C10orf71: variants seen among roughly 807,000 people sequenced by gnomAD.
C10orf71 encodes chromosome 10 open reading frame 71, also known as cardiac-enriched FHL2-interacting protein.
For missense variants in C10orf71, 1,869 were observed against 1,804.5 expected (o/e 1.04, Z -0.65); for synonymous variants, 758 against 726.3 (o/e 1.04, Z -0.70).
At position 49,325,565 on chromosome 10, in the gene C10orf71, C is replaced by A. The variant is rs1218382905; in HGVS notation, c.3020C>A (p.Pro1007His). 1 of 1,550,594 alleles carries A rather than the reference C, an allele frequency of 6.4e-7. No homozygotes were observed. Among genetic ancestry groups the A allele is most frequent in the African/African-American group, 1.4e-5 (1 of 73,002 alleles). ...TGGCACATCCCCACCATTGCTTTAC[C>A]CGAGGGTGACATAGAAGACCAGCCA... is the stretch of plus-strand genomic sequence containing the variant. ...APWHIPTIAL[P>H]EGDIEDQPPP... The change falls in exon 3 of 3, where the codon CCC becomes CAC. Residue 1007 changes from proline to histidine, a missense_variant. Pro to His is a moderately conservative substitution (Grantham distance 77). Coordinates refer to ENST00000374144, the MANE Select transcript of C10orf71 (RefSeq NM_001135196.2).
intron 1 of C10orf71, among the ~76,000 whole-genome samples, chr10:49,306,758 C>T (rs757312999): frequency 2.6e-5 from 4 of 152,222 alleles, no homozygotes; most frequent in East Asian, 1.9e-4. Context: ...CCCTCAAGCA[C>T]GGTTGTACTC....
At chr10:49,297,379 G>A (rs548283932), upstream of C10orf71, among the ~76,000 whole-genome samples, 153 of 152,280 alleles carry the variant, frequency 1.0e-3, 2 homozygotes, top group African/African-American at 3.2e-3. Context: ...CTGGGAGGGA[G>A]GGAAATTAAC....
chr10:49,324,110 T>G lies in C10orf71; in HGVS notation c.1565T>G (p.Val522Gly), dbSNP rs61453891. The G allele has an allele frequency of 5.4e-3, 8,669 of 1,613,904 alleles. 403 individuals carry two copies. The African/African-American group carries it at 0.1, about 19-fold the overall frequency. The change falls in exon 3 of 3, where the codon GTG becomes GGG. Residue 522 changes from valine (V) to glycine (G), a missense_variant. Physicochemically the swap from Val to Gly is moderately radical, Grantham distance 109 (BLOSUM62 -3). Transcript: ENST00000374144. ...TACAGTTCCTCACCTCTCTTGAAAG[T>G]GCTTGATGAGAAAACTAGAGGTAAG... ...STYSSSPLLK[V>G]LDEKTRGKVD... is the part of the protein sequence containing the mutation.
At position 49,324,770 on chromosome 10, in the gene C10orf71, A is replaced by G. The variant is rs777269993; in HGVS notation, c.2225A>G (p.Asp742Gly). 3.1e-5 allele frequency: 48 copies of G among 1,553,854 alleles called. No homozygotes were observed. Among genetic ancestry groups the G allele is most frequent in the Non-Finnish European group, 4.1e-5 (47 of 1,147,920 alleles). ...GATCAATCCTTTGCCTCATTTGATGATCAGCAGAAGATGTGGTTTACTGAG... is the reference window on the plus strand; with the variant it reads ...GATCAATCCTTTGCCTCATTTGATGGTCAGCAGAAGATGTGGTTTACTGAG... Reference protein sequence around the residue: ...SSDQSFASFDDQQKMWFTENQ... With the variant: ...SSDQSFASFDGQQKMWFTENQ... The change falls in exon 3 of 3, where the codon GAT (aspartate) becomes GGT (glycine). Residue 742 changes from aspartate to glycine, a missense_variant. Physicochemically the swap from Asp to Gly is moderately conservative, Grantham distance 94. Coordinates refer to ENST00000374144, the MANE Select transcript of C10orf71 (RefSeq NM_001135196.2).
chr10:49,312,633 T>C (rs1848935491), intron 1 of C10orf71, among the ~76,000 whole-genome samples: 1 of 152,128 alleles, frequency 6.6e-6, no homozygotes, highest in Non-Finnish European at 1.5e-5. Flanking sequence ...AACTGGGAAA[T>C]GGTGAAGTCA....
rs1418755418 is a variant in C10orf71, at chr10:49,323,144, C to G, written c.599C>G (p.Ala200Gly). 2.5e-6 allele frequency: 4 copies of G among 1,613,892 alleles called. 1 individual carries two copies. Among genetic ancestry groups the G allele is most frequent in the South Asian group, 2.2e-5 (2 of 91,088 alleles). The change falls in exon 3 of 3, where the codon GCT (alanine) becomes GGT (glycine). Residue 200 changes from alanine (A) to glycine (G), a missense_variant. Transcript: ENST00000374144. ...SAFLTVRRVP[A>G]EVSNTHQNSY... ...TTTCTGACAGTCAGGAGGGTGCCCGCTGAAGTTTCCAACACCCATCAGAAC... is the reference window on the plus strand; with the variant it reads ...TTTCTGACAGTCAGGAGGGTGCCCGGTGAAGTTTCCAACACCCATCAGAAC...
At chr10:49,300,330 T>C (rs1264997156) in intron 1 of C10orf71, among the ~76,000 whole-genome samples, 2 of 152,160 alleles carry the variant, frequency 1.3e-5, no homozygotes, top group Non-Finnish European at 2.9e-5. Flanking sequence ...TGTCTAAAGC[T>C]GCTTCTACAC....
chr10:49,300,669 G>A (rs980403062), intron 1 of C10orf71, among the ~76,000 whole-genome samples: 2 of 152,142 alleles, frequency 1.3e-5, no homozygotes, highest in East Asian at 3.9e-4. Flanking sequence ...GACACACAGC[G>A]TGTCCATGTG....
intron 2 of C10orf71, among the ~76,000 whole-genome samples, chr10:49,319,733 T>C (rs183930361): frequency 0.2 from 16,511 of 84,594 alleles, 1,690 homozygotes; most frequent in South Asian, 0.3. Context: ...TATATATATA[T>C]ACACATACAT....
chr10:49,310,447 A>G (rs1345171531), intron 1 of C10orf71, among the ~76,000 whole-genome samples: 3 of 152,186 alleles, frequency 2.0e-5, no homozygotes, highest in African/African-American at 7.2e-5. Flanking sequence ...TGGAGAAAGC[A>G]GAAGGTGGTA....
rs1169207507 is a variant in C10orf71, at chr10:49,326,467, G to C, written c.3922G>C (p.Val1308Leu). 1 of 1,550,198 alleles carries C rather than the reference G, an allele frequency of 6.5e-7. No homozygotes were observed. The highest frequency in any genetic ancestry group is 8.7e-7 in the Non-Finnish European group (1 of 1,146,826). The change falls in exon 3 of 3, where the codon GTC (valine) becomes CTC (leucine). Residue 1308 changes from valine (V) to leucine (L), a missense_variant. Physicochemically the swap from Val to Leu is conservative, Grantham distance 32 (BLOSUM62 1). Coordinates refer to ENST00000374144, the MANE Select transcript of C10orf71 (RefSeq NM_001135196.2). ...TFYDPETGKY[V>L]KVSIPSSEGA... ...CTATGACCCAGAGACGGGCAAGTAT[G>C]TCAAGGTCTCCATCCCGTCCTCCGA...
At position 49,326,542 on chromosome 10, in the gene C10orf71, G is replaced by C. The variant is rs1374832050; in HGVS notation, c.3997G>C (p.Val1333Leu). 3 of 1,550,658 alleles carry C rather than the reference G, an allele frequency of 1.9e-6. No individual in the cohort carries two copies. In the South Asian group the frequency reaches 3.6e-5, roughly 18 times the overall value. ...ACCGGACGCCCTGGCCGCTCCCTAT[G>C]TGCTGTACCCCGGCTTCCAGCCAGT... The part of the protein sequence containing the change: ...PPPDALAAPY[V>L]LYPGFQPVPV... The change falls in exon 3 of 3, where the codon GTG becomes CTG. Residue 1333 changes from valine to leucine, a missense_variant. By Grantham distance (32) the Val-to-Leu change is conservative. Transcript: ENST00000374144.
In C10orf71 at chr10:49,326,208, G is replaced by A. The variant is rs187004376; in HGVS notation, c.3663G>A (p.Pro1221=). The change falls in exon 3 of 3, where the codon CCG becomes CCA. Residue 1221 remains proline (P), a synonymous_variant. Transcript: ENST00000374144. ...ACTTGGAGCAGACACAGCAAAGGCC[G>A]CTGTGCCCCAGAGAGAGGCCCCGAC... The part of the protein sequence containing the change: ...PEDLEQTQQR[P]LCPRERPRHN... 1 of 1,551,132 alleles carries A rather than the reference G, an allele frequency of 6.4e-7. No individual in the cohort carries two copies. The highest frequency in any genetic ancestry group is 8.7e-7 in the Non-Finnish European group (1 of 1,146,964).
chr10:49,305,403 C>T (rs1848795591), intron 1 of C10orf71, among the ~76,000 whole-genome samples: 1 of 152,196 alleles, frequency 6.6e-6, no homozygotes, highest in Non-Finnish European at 1.5e-5. Context: ...ACACACGTTT[C>T]TCCTCTGTAA....
At chr10:49,310,318 C>A (rs1367111699) in intron 1 of C10orf71, among the ~76,000 whole-genome samples, 1 of 152,180 alleles carries the variant, frequency 6.6e-6, no homozygotes, top group East Asian at 1.9e-4. Flanking sequence ...TTTTCTCCCC[C>A]AGAGACACCA....
intron 1 of C10orf71, among the ~76,000 whole-genome samples, chr10:49,315,783 T>C (rs1191479879): frequency 1.3e-5 from 2 of 152,230 alleles, no homozygotes; most frequent in Non-Finnish European, 2.9e-5. Flanking sequence ...GGGTCAGGCA[T>C]GACGGTTCAC....
Position 49,326,525 on chromosome 10 carries a change from C to T in C10orf71, c.3980C>T (p.Ala1327Val). The T allele has an allele frequency of 1.3e-6, 2 of 1,550,446 alleles. 1 individual carries two copies. Among genetic ancestry groups the T allele is most frequent in the Non-Finnish European group, 1.7e-6 (2 of 1,146,860 alleles). Residue 1327 changes from alanine to valine, a missense_variant, in exon 3 of 3, where the codon GCC (alanine) becomes GTC (valine). Physicochemically the swap from Ala to Val is moderately conservative, Grantham distance 64. Coordinates refer to ENST00000374144, the MANE Select transcript of C10orf71 (RefSeq NM_001135196.2). Reference sequence around the variant, plus strand: ...TCCCCAGAGCCGCCCCCACCGGACGCCCTGGCCGCTCCCTATGTGCTGTAC... The same window carrying T: ...TCCCCAGAGCCGCCCCCACCGGACGTCCTGGCCGCTCCCTATGTGCTGTAC... ...GASPEPPPPD[A>V]LAAPYVLYPG...
chr10:49,322,790 G>C lies in C10orf71; in HGVS notation c.245G>C (p.Trp82Ser). Residue 82 changes from tryptophan (W) to serine (S), a missense_variant, in exon 3 of 3, where the codon TGG becomes TCG. Physicochemically the swap from Trp to Ser is radical, Grantham distance 177. Transcript: ENST00000374144. ...VGHTQRKSGIWSQLPSQGTEH... is the reference protein window; with the variant it reads ...VGHTQRKSGISSQLPSQGTEH... ...CACACCCAGAGGAAAAGTGGCATTT[G>C]GAGCCAGTTACCGTCACAGGGCACG... 1 of 1,613,662 alleles carries C rather than the reference G, an allele frequency of 6.2e-7. No homozygotes were observed. The highest frequency in any genetic ancestry group is 1.1e-5 in the South Asian group (1 of 91,056).
At chr10:49,305,392 T>C (rs1848795186) in intron 1 of C10orf71, among the ~76,000 whole-genome samples, 1 of 152,214 alleles carries the variant, frequency 6.6e-6, no homozygotes, top group Non-Finnish European at 1.5e-5. Context: ...AATTCTGCGC[T>C]ACACACGTTT....
Sources: allele counts gnomAD v4.1 joint callset (sites outside exome capture counted in the v4.1 genomes callset), GRCh38; gene constraint gnomAD v4.1.1; transcripts MANE v1.5; gene names NCBI Gene and HGNC (gene_info 2026-07-23, HGNC 2026-07-21).